SOS1: variants seen among roughly 807,000 people sequenced by gnomAD.
The protein encoded by SOS1 is SOS Ras/Rac guanine nucleotide exchange factor 1.
In SOS1, 25 loss-of-function variants were observed where a neutral mutation model predicts 157.6. That is an observed-to-expected ratio of 0.16 (90% CI 0.12 to 0.22). The LOEUF (loss-of-function observed/expected upper bound fraction) is 0.22, where lower values mean the gene tolerates loss of function less well. Among genes scored for constraint, SOS1 ranks in the 10% least tolerant of loss-of-function variants. SOS1 has a pLI of 1.00. For missense variants in SOS1, 1,237 were observed against 1,599.1 expected (o/e 0.77, Z 3.86); for synonymous variants, 528 against 534.0 (o/e 0.99, Z 0.16).
chr2:39,073,925 G>A (rs927081171), intron 1 of SOS1, among the ~76,000 whole-genome samples: 10 of 152,276 alleles, frequency 6.6e-5, no homozygotes, highest in South Asian at 2.1e-4. Flanking sequence ...GAGATAAAAC[G>A]TAATAAAGAT....
chr2:39,057,297 C>G (rs1671244905), intron 3 of SOS1, among the ~76,000 whole-genome samples: 1 of 152,056 alleles, frequency 6.6e-6, no homozygotes, highest in Non-Finnish European at 1.5e-5. Flanking sequence ...TTTAACTTTT[C>G]CAAGGGAAGA....
rs1255260800 is a variant in SOS1, at chr2:38,995,103, C to T, written c.3346+20G>A. On this transcript the variant is annotated intron_variant, in intron 20 of 22. Coordinates refer to ENST00000402219, the MANE Select transcript of SOS1 (RefSeq NM_005633.4). ...TAGTACTAACAAATACCTTAATGCACTTAGAATTTTTGCACCTACTTGAGT... is the reference window on the plus strand; with the variant it reads ...TAGTACTAACAAATACCTTAATGCATTTAGAATTTTTGCACCTACTTGAGT... The T allele has an allele frequency of 1.9e-6, 3 of 1,610,124 alleles. No individual in the cohort carries two copies. The highest frequency in any genetic ancestry group is 2.5e-6 in the Non-Finnish European group (3 of 1,176,812).
At chr2:39,038,420 G>A (rs1045779531) in intron 6 of SOS1, among the ~76,000 whole-genome samples, 6 of 152,060 alleles carry the variant, frequency 3.9e-5, no homozygotes, top group Non-Finnish European at 7.4e-5. Flanking sequence ...TGGAGAATTT[G>A]CTTCTTATGG....
intron 1 of SOS1, among the ~76,000 whole-genome samples, chr2:39,095,347 G>A (rs1272135484): frequency 1.3e-5 from 2 of 152,170 alleles, no homozygotes; most frequent in East Asian, 1.9e-4. Flanking sequence ...TGGTAGATGG[G>A]TACAGGTCAA....
upstream of SOS1, among the ~76,000 whole-genome samples, chr2:39,122,424 C>T (rs1330361299): frequency 6.9e-6 from 1 of 145,422 alleles, no homozygotes; most frequent in Non-Finnish European, 1.5e-5. Flanking sequence ...AACCAAAACT[C>T]CGTTTCAATT....
At chr2:39,066,125 G>C (rs549009319) in intron 2 of SOS1, among the ~76,000 whole-genome samples, 1 of 152,274 alleles carries the variant, frequency 6.6e-6, no homozygotes, top group East Asian at 1.9e-4. Context: ...GAGGTTGCTA[G>C]AGATTACTTC....
intron 1 of SOS1, among the ~76,000 whole-genome samples, chr2:39,079,487 ATTTTTTT>A (rs1201929648): frequency 2.2e-4 from 18 of 82,714 alleles, no homozygotes; most frequent in Admixed American, 2.2e-3. Context: ...AAGTGTTCGA[ATTTTTTT>A]TTTTTTTTTT....
intron 1 of SOS1, among the ~76,000 whole-genome samples, chr2:39,092,887 T>C (rs756313040): frequency 1.3e-5 from 2 of 152,218 alleles, no homozygotes; most frequent in Admixed American, 6.5e-5. Context: ...AACTTCATAA[T>C]ACTTAAATTC....
At chr2:39,027,079 T>C (rs1274864898) in intron 8 of SOS1, among the ~76,000 whole-genome samples, 1 of 152,188 alleles carries the variant, frequency 6.6e-6, no homozygotes, top group East Asian at 1.9e-4. Context: ...AATTTTTCGG[T>C]CTTAAATAAC....
intron 10 of SOS1, among the ~76,000 whole-genome samples, chr2:39,015,199 C>T (rs1023672446): frequency 1.1e-4 from 16 of 151,588 alleles, no homozygotes; most frequent in Non-Finnish European, 1.9e-4. Flanking sequence ...GTTTATCCCC[C>T]TTATAAAGAG....
intron 1 of SOS1, among the ~76,000 whole-genome samples, chr2:39,085,313 A>G (rs1315731567): frequency 6.6e-6 from 1 of 152,196 alleles, no homozygotes; most frequent in Non-Finnish European, 1.5e-5. Flanking sequence ...CTCCCAAAGT[A>G]TTGGTATTCC....
chr2:39,053,156 A>G (rs76778800), intron 5 of SOS1, among the ~76,000 whole-genome samples: 1 of 150,156 alleles, frequency 6.7e-6, no homozygotes, highest in African/African-American at 2.4e-5. Context: ...ACGTCTCAAG[A>G]AAAAAAAAAG....
intron 6 of SOS1, among the ~76,000 whole-genome samples, chr2:39,050,288 T>C (rs1355865265): frequency 6.6e-6 from 1 of 152,196 alleles, no homozygotes; most frequent in East Asian, 1.9e-4. Context: ...TATTTTAGCA[T>C]TTGAAATATC....
chr2:39,079,846 T>C lies in SOS1; in HGVS notation c.88-12093A>G, dbSNP rs149629559. ...TTAGGTACATACATGTTCATTTCAT[T>C]ATTATTTAAACCAGCAGTCTCCAAC... On this transcript the variant is annotated intron_variant, in intron 1 of 22. Coordinates refer to ENST00000402219, the MANE Select transcript of SOS1 (RefSeq NM_005633.4). Among the ~76,000 whole-genome samples, 5 of 152,162 alleles carry C rather than the reference T, an allele frequency of 3.3e-5. No homozygotes were observed. In the East Asian group the frequency reaches 7.7e-4, roughly 24 times the overall value.
chr2:39,012,532 TC>T (rs1415391103), intron 13 of SOS1, among the ~76,000 whole-genome samples, 184 bp from the exon 14 acceptor site: 1 of 152,142 alleles, frequency 6.6e-6, no homozygotes, highest in Non-Finnish European at 1.5e-5. Flanking sequence ...CTAATCTTAT[TC>T]TTCTTCATTT....
chr2:39,121,707 T>G (rs1051850177), upstream of SOS1, among the ~76,000 whole-genome samples: 3 of 152,170 alleles, frequency 2.0e-5, no homozygotes, highest in Admixed American at 2.0e-4. Context: ...TTTGTTATCT[T>G]TTGCGGTTCT....
At chr2:39,094,216 A>G (rs959996642) in intron 1 of SOS1, among the ~76,000 whole-genome samples, 2 of 152,250 alleles carry the variant, frequency 1.3e-5, no homozygotes, top group African/African-American at 4.8e-5. Context: ...AATATTAAAA[A>G]TGTTACTGTT....
chr2:39,057,533 T>C (rs548489529), intron 3 of SOS1, among the ~76,000 whole-genome samples: 1 of 152,044 alleles, frequency 6.6e-6, no homozygotes, highest in Non-Finnish European at 1.5e-5. Context: ...AAAAACAACT[T>C]TGAAATAAGA....
upstream of SOS1, chr2:39,124,466 G>A (rs1370013377): frequency 2.6e-5 from 4 of 152,312 alleles, no homozygotes; most frequent in African/African-American, 9.6e-5. Flanking sequence ...GCCGAGTTCC[G>A]AGCGCGGCGC....
Sources: gnomAD v4.1 joint callset for allele counts (sites outside exome capture counted in the v4.1 genomes callset) on GRCh38, gnomAD v4.1.1 for gene constraint, MANE v1.5 for transcripts, NCBI Gene and HGNC (gene_info 2026-07-23, HGNC 2026-07-21) for gene names.